CSNK1A1: variants seen among roughly 807,000 people sequenced by gnomAD.
CSNK1A1 encodes the protein casein kinase I isoform alpha.
CSNK1A1 carries 7 observed loss-of-function variants against 46.1 expected under a neutral mutation model. The ratio of observed to expected loss-of-function variants is 0.15; its 90% CI spans 0.09 to 0.29. The LOEUF (loss-of-function observed/expected upper bound fraction) is 0.29. CSNK1A1 is among the 10% of genes least tolerant of loss of function. CSNK1A1 has a pLI of 1.00. For missense variants in CSNK1A1, 96 were observed against 417.1 expected, an observed-to-expected ratio of 0.23 and a Z score of 6.71; for synonymous variants, 137 against 141.5, an observed-to-expected ratio of 0.97 and a Z score of 0.23.
intron 9 of CSNK1A1, chr5:149,504,649 C>G (rs1387501953): frequency 1.0e-6 from 1 of 985,326 alleles, no homozygotes; most frequent in South Asian, 4.7e-5. Flanking sequence ...GGAAATAAGA[C>G]TAGCGGTTTC....
At chr5:149,505,280 T>G (rs1760987366) in intron 9 of CSNK1A1, 167 bp downstream of exon 9, 12 of 1,411,716 alleles carry the variant, frequency 8.5e-6, no homozygotes, top group Non-Finnish European at 1.1e-5. Context: ...CATTTGGGTT[T>G]AAAGTTAGTA....
intron 7 of CSNK1A1, among the ~76,000 whole-genome samples, chr5:149,508,361 G>C (rs1228971044): frequency 1.3e-5 from 2 of 151,954 alleles, no homozygotes; most frequent in Non-Finnish European, 2.9e-5. Context: ...ATGGTAAACA[G>C]TATGACAATG....
At chr5:149,523,700 A>G (rs918903080) in intron 3 of CSNK1A1, among the ~76,000 whole-genome samples, 1 of 152,352 alleles carries the variant, frequency 6.6e-6, no homozygotes, top group South Asian at 2.1e-4. Context: ...GATCTATAAT[A>G]GTTGTATATA....
chr5:149,545,747 C>T, intron 2 of CSNK1A1: 1 of 638,860 alleles, frequency 1.6e-6, no homozygotes, highest in Admixed American at 2.0e-5. Flanking sequence ...CCCACCATTT[C>T]TGTGCCATTT....
At chr5:149,549,556 G>A (rs961573883) in intron 2 of CSNK1A1, 1 of 699,986 alleles carries the variant, frequency 1.4e-6, no homozygotes, top group Non-Finnish European at 2.6e-6. Context: ...AACTCAAGCT[G>A]AGAAAAGGGC....
chr5:149,513,480 T>C (rs1761296559), intron 4 of CSNK1A1, among the ~76,000 whole-genome samples: 1 of 152,166 alleles, frequency 6.6e-6, no homozygotes, highest in Non-Finnish European at 1.5e-5. Context: ...CTCAGGAACC[T>C]GTCTTTATAA....
rs11419883 is a variant in CSNK1A1 at position 149,527,130 on chromosome 5, A to ATT, written c.231-1961_231-1960dup. Among the ~76,000 whole-genome samples, 1,275 of 147,334 alleles carry ATT rather than the reference A, an allele frequency of 8.7e-3. 8 individuals carry two copies. Among genetic ancestry groups the ATT allele is most frequent in the Non-Finnish European group, 0.013 (853 of 66,544 alleles). On this transcript the variant is annotated intron_variant, in intron 2 of 9. Transcript: ENST00000377843. ...GTGTCAACGTGACAGCAAAAGAGCCATTTTTTTTTTTTTGAGACACAGTCT... is the reference window on the plus strand; with the variant it reads ...GTGTCAACGTGACAGCAAAAGAGCCATTTTTTTTTTTTTTTGAGACACAGTCT...
intron 9 of CSNK1A1, chr5:149,498,854 G>C (rs548860408): frequency 1.0e-6 from 1 of 985,354 alleles, no homozygotes; most frequent in South Asian, 4.7e-5. Context: ...GGAAACTCTT[G>C]TGCCTTTAAT....
At chr5:149,526,282 C>T (rs752270856) in intron 2 of CSNK1A1, among the ~76,000 whole-genome samples, 2 of 152,154 alleles carry the variant, frequency 1.3e-5, no homozygotes, top group Non-Finnish European at 2.9e-5. Flanking sequence ...GGACCACAGG[C>T]GTGCCATCAT....
chr5:149,503,286 A>G (rs1580819632), intron 9 of CSNK1A1: 2 of 985,376 alleles, frequency 2.0e-6, no homozygotes, highest in East Asian at 1.1e-4. Context: ...CCCGAAGGCC[A>G]GCTACATTTT....
intron 2 of CSNK1A1, among the ~76,000 whole-genome samples, chr5:149,535,893 G>A (rs1032389409): frequency 1.3e-5 from 2 of 151,942 alleles, no homozygotes; most frequent in East Asian, 1.9e-4. Flanking sequence ...TGATCCACCC[G>A]CCTCAGCCTC....
At chr5:149,503,480 CAT>C (rs1315074503) in intron 9 of CSNK1A1, 9 of 985,252 alleles carry the variant, frequency 9.1e-6, no homozygotes, top group Non-Finnish European at 1.1e-5. Context: ...CAGTCAATGA[CAT>C]GTGATGTGTT....
At chr5:149,499,401 A>G (rs1760753639) in intron 9 of CSNK1A1, 2 of 342,526 alleles carry the variant, frequency 5.8e-6, no homozygotes, top group Admixed American at 6.5e-5. Flanking sequence ...AAAGCAAAAA[A>G]AAGTTTATTT....
Position 149,550,437 on chromosome 5 carries a change from TAGTGAG to T in CSNK1A1, c.124-262_124-257del. Reference sequence around the variant, plus strand: ...AGAAAAAAGAGGCAACCTCTGAACGTAGTGAGAGGTTTTTAAGGAACTAGGCGATCG... The same window carrying T: ...AGAAAAAAGAGGCAACCTCTGAACGTAGGTTTTTAAGGAACTAGGCGATCG... On this transcript the variant is annotated intron_variant, in intron 1 of 9. Coordinates refer to ENST00000377843, the MANE Select transcript of CSNK1A1 (RefSeq NM_001892.6). The surrounding 1 kb of genome is among the most constrained non-coding windows in gnomAD (Gnocchi z 4.3). The T allele has an allele frequency of 9.5e-7, 1 of 1,052,664 alleles. No homozygotes were observed. The highest frequency in any genetic ancestry group is 1.2e-6 in the Non-Finnish European group (1 of 807,372). The allele number at this position is 1,052,664 out of a possible 1,614,324, so 65.2% of individuals were successfully genotyped here. A position where few individuals can be genotyped will look rare whatever the true frequency, so the allele number is the denominator to read the frequency against.
chr5:149,507,332 C>G (rs1211328553), intron 7 of CSNK1A1, among the ~76,000 whole-genome samples, 199 bp from the exon 8 acceptor site: 1 of 152,082 alleles, frequency 6.6e-6, no homozygotes, highest in South Asian at 2.1e-4. Context: ...CTATTATGTA[C>G]AATATTAGTA....
intron 4 of CSNK1A1, among the ~76,000 whole-genome samples, chr5:149,519,513 T>G (rs1761502449): frequency 6.6e-6 from 1 of 152,118 alleles, no homozygotes; most frequent in African/African-American, 2.4e-5. Flanking sequence ...AGCAATTCAC[T>G]CAGTAAGACT....
chr5:149,534,858 A>C, intron 2 of CSNK1A1, among the ~76,000 whole-genome samples: 1 of 145,104 alleles, frequency 6.9e-6, no homozygotes, highest in East Asian at 2.2e-4. Context: ...TCGGCTGTTG[A>C]GGCTAGCCAC....
intron 9 of CSNK1A1, 112 bp downstream of exon 9, chr5:149,505,335 A>T: frequency 6.9e-7 from 1 of 1,457,406 alleles, no homozygotes; most frequent in Non-Finnish European, 9.1e-7. Context: ...CGCAGAGCCA[A>T]ATTTTTATGT....
At chr5:149,548,062 G>A (rs1762534778) in intron 2 of CSNK1A1, among the ~76,000 whole-genome samples, 1 of 151,916 alleles carries the variant, frequency 6.6e-6, no homozygotes, top group South Asian at 2.1e-4. Flanking sequence ...GTAGAGACGA[G>A]GTTTCACCAC....
Sources: gnomAD v4.1 joint callset for allele counts (sites outside exome capture counted in the v4.1 genomes callset) on GRCh38, gnomAD v4.1.1 for gene constraint, Gnocchi (gnomAD v3.1) non-coding constraint, MANE v1.5 for transcripts, NCBI Gene and HGNC (gene_info 2026-07-23, HGNC 2026-07-21) for gene names.